Variants in SCD5 observed in about 807,000 individuals in gnomAD.
The protein encoded by SCD5 is stearoyl-CoA desaturase 5.
In SCD5, 20 loss-of-function variants were observed where a neutral mutation model predicts 30.4. That is an observed-to-expected ratio of 0.66 (90% CI 0.46 to 0.96). The LOEUF is 0.96. Ranked by LOEUF, SCD5 falls within the 40% of genes least tolerant of loss-of-function variation. The pLI is 0.00. For synonymous variants in SCD5, 173 were observed against 176.4 expected, an observed-to-expected ratio of 0.98 and a Z score of 0.16; for missense variants, 381 against 443.3, an observed-to-expected ratio of 0.86 and a Z score of 1.26.
At chr4:82,663,091 C>A (rs565226566) in intron 3 of SCD5, among the ~76,000 whole-genome samples, 3 of 152,122 alleles carry the variant, frequency 2.0e-5, no homozygotes, top group African/African-American at 4.8e-5. Flanking sequence ...AAAAAGCTAA[C>A]TAATATACAC....
Position 82,715,236 on chromosome 4 carries a change from G to GAAA in SCD5, c.233-9826_233-9824dup, listed in dbSNP as rs34012730. 5.3e-3 allele frequency among the ~76,000 whole-genome samples: 722 copies of GAAA among 135,080 alleles called. 18 individuals carry two copies. The highest frequency in any genetic ancestry group is 0.018 in the African/African-American group (653 of 36,316). 88.6% of individuals were successfully genotyped at this position (135,080 alleles called of 152,430 possible). A position where few individuals can be genotyped will look rare whatever the true frequency, so the allele number is the denominator to read the frequency against. ...TGGGTGACAGAGCAAGACTCCGTCT[G>GAAA]AAAAAAAAAAAAAAATCATGTGATC... is the stretch of plus-strand genomic sequence containing the variant. On this transcript the variant is annotated intron_variant, in intron 1 of 4. Coordinates refer to ENST00000319540, the MANE Select transcript of SCD5 (RefSeq NM_001037582.3).
At chr4:82,716,302 TG>T (rs1168367281) in intron 1 of SCD5, among the ~76,000 whole-genome samples, 1 of 151,866 alleles carries the variant, frequency 6.6e-6, no homozygotes, top group African/African-American at 2.4e-5. Context: ...AATCTGGAAC[TG>T]CCCCTCTGCC....
chr4:82,667,138 GTGAAGTAC>G (rs1312592526), intron 3 of SCD5, among the ~76,000 whole-genome samples: 1 of 152,124 alleles, frequency 6.6e-6, no homozygotes, highest in Non-Finnish European at 1.5e-5. Context: ...ATGCTAGTTA[GTGAAGTAC>G]TCAGGTTCCA....
At position 82,698,143 on chromosome 4, in the gene SCD5, C is replaced by A. The variant is rs59984843; in HGVS notation, c.363+7140G>T. ...CCATCTTGAAAGGAAGAAGGCAAAC[C>A]TGTTTCTGATGTGCAGAAGAAAAGT... On this transcript the variant is annotated intron_variant, in intron 2 of 4. Coordinates refer to ENST00000319540, the MANE Select transcript of SCD5 (RefSeq NM_001037582.3). 2,209 of 456,416 alleles carry A rather than the reference C, an allele frequency of 4.8e-3. 48 individuals carry two copies. The highest frequency in any genetic ancestry group is 0.041 in the African/African-American group (2,038 of 50,178). The allele number at this position is 456,416 out of a possible 1,614,324, so 28.3% of individuals were successfully genotyped here.
At chr4:82,694,213 A>G (rs1719637395) in intron 2 of SCD5, among the ~76,000 whole-genome samples, 1 of 151,316 alleles carries the variant, frequency 6.6e-6, no homozygotes, top group African/African-American at 2.4e-5. Context: ...CCCACTCCCC[A>G]CCTTTTCAGT....
chr4:82,649,860 C>T (rs752858332), intron 3 of SCD5, among the ~76,000 whole-genome samples: 23 of 152,244 alleles, frequency 1.5e-4, no homozygotes, highest in Admixed American at 5.2e-4. Flanking sequence ...TGAGGGTCAC[C>T]GGGCCTTTGA....
intron 1 of SCD5, among the ~76,000 whole-genome samples, chr4:82,746,966 G>T (rs1286190656): frequency 8.7e-6 from 1 of 114,288 alleles, no homozygotes; most frequent in Non-Finnish European, 2.1e-5. Context: ...GTCAGGGGGA[G>T]AGGAGGAACG....
At chr4:82,767,340 G>C (rs1212452144) in intron 1 of SCD5, among the ~76,000 whole-genome samples, 2 of 152,086 alleles carry the variant, frequency 1.3e-5, no homozygotes, top group East Asian at 3.9e-4. Flanking sequence ...TCTTCTTTGT[G>C]AACTCTAGCC....
intron 2 of SCD5, among the ~76,000 whole-genome samples, chr4:82,698,823 G>A (rs1719752693): frequency 6.6e-6 from 1 of 152,152 alleles, no homozygotes; most frequent in South Asian, 2.1e-4. Context: ...GCCCCATCTT[G>A]GGCCTCTATG....
intron 2 of SCD5, 49 bp downstream of exon 2, chr4:82,705,234 T>C (rs1269536899): frequency 2.5e-6 from 4 of 1,602,150 alleles, no homozygotes; most frequent in African/African-American, 1.3e-5. Flanking sequence ...CCTCCCATAC[T>C]GCCATCTGCA....
At chr4:82,722,690 G>A (rs552000521) in intron 1 of SCD5, among the ~76,000 whole-genome samples, 4 of 151,982 alleles carry the variant, frequency 2.6e-5, no homozygotes, top group South Asian at 2.1e-4. Context: ...ACTTGAACCC[G>A]GGAGGCGGAG....
At chr4:82,682,829 T>C (rs1332414285) in intron 2 of SCD5, among the ~76,000 whole-genome samples, 1 of 152,096 alleles carries the variant, frequency 6.6e-6, no homozygotes, top group Non-Finnish European at 1.5e-5. Context: ...TTTGTTTTTC[T>C]TTTTGAGACG....
At chr4:82,771,140 T>A (rs1376753829) in intron 1 of SCD5, among the ~76,000 whole-genome samples, 1 of 152,146 alleles carries the variant, frequency 6.6e-6, no homozygotes. Flanking sequence ...CTAATGTTTT[T>A]GTATTTTTTG....
intron 1 of SCD5, among the ~76,000 whole-genome samples, chr4:82,788,541 C>T (rs575631712): frequency 1.3e-5 from 2 of 152,286 alleles, no homozygotes; most frequent in South Asian, 2.1e-4. Flanking sequence ...CAAGTGTTCA[C>T]GATCACTCCC....
In SCD5 at chr4:82,639,321, A is replaced by G. The variant is rs577572057; in HGVS notation, c.570-2498T>C. On this transcript the variant is annotated intron_variant, in intron 3 of 4. Coordinates refer to ENST00000319540, the MANE Select transcript of SCD5 (RefSeq NM_001037582.3). The stretch of plus-strand genomic sequence containing the variant: ...GGTGGCCTTCTAGAGTCATGGGCAG[A>G]AGGCTCTTAGGGAGTTCTCTCCAGA... 1.1e-4 allele frequency among the ~76,000 whole-genome samples: 16 copies of G among 152,292 alleles called. No homozygotes were observed. In the East Asian group the frequency reaches 3.1e-3, roughly 29 times the overall value.
At chr4:82,787,351 C>T (rs1214204176) in intron 1 of SCD5, among the ~76,000 whole-genome samples, 2 of 151,324 alleles carry the variant, frequency 1.3e-5, no homozygotes, top group Non-Finnish European at 1.5e-5. Flanking sequence ...AACCCTCCCA[C>T]AAGGGTGTTT....
In SCD5 at chr4:82,630,848, C is replaced by T. The variant is rs1295954108; in HGVS notation, c.*479G>A. 6.6e-6 allele frequency: 1 copy of T among 151,570 alleles called. No individual in the cohort carries two copies. The highest frequency in any genetic ancestry group is 1.9e-4 in the East Asian group (1 of 5,148). 9.4% of individuals were successfully genotyped at this position (151,570 alleles called of 1,614,324 possible). On this transcript the variant is annotated 3_prime_UTR_variant, in exon 5 of 5. Coordinates refer to ENST00000319540, the MANE Select transcript of SCD5 (RefSeq NM_001037582.3). ...TTTCGGCAGGGTGCGGTGGCTCACGCCTGTAATCCCAGCTCTTTGGGAGGC... is the reference window on the plus strand; with the variant it reads ...TTTCGGCAGGGTGCGGTGGCTCACGTCTGTAATCCCAGCTCTTTGGGAGGC...
At chr4:82,777,833 T>C (rs945390596) in intron 1 of SCD5, among the ~76,000 whole-genome samples, 6 of 152,104 alleles carry the variant, frequency 3.9e-5, no homozygotes, top group Admixed American at 2.6e-4. Context: ...AGCCCCAAAT[T>C]CATGCAACTA....
At chr4:82,706,718 G>A (rs1221128698) in intron 1 of SCD5, among the ~76,000 whole-genome samples, 1 of 152,244 alleles carries the variant, frequency 6.6e-6, no homozygotes, top group African/African-American at 2.4e-5. Context: ...GGCCAAGAAA[G>A]TGAGACATGA....
Sources: gnomAD v4.1 joint callset for allele counts (sites outside exome capture counted in the v4.1 genomes callset) on GRCh38, gnomAD v4.1.1 for gene constraint, MANE v1.5 for transcripts, NCBI Gene and HGNC (gene_info 2026-07-23, HGNC 2026-07-21) for gene names.